GLT1D1: variants seen among roughly 807,000 people sequenced by gnomAD.
GLT1D1 encodes glycosyltransferase 1 domain containing 1, also known as glycosyltransferase 1 domain-containing protein 1.
GLT1D1 carries 21 observed loss-of-function variants against 28.7 expected under a neutral mutation model. That is an observed-to-expected ratio of 0.73 (90% confidence interval 0.52 to 1.05). The LOEUF (loss-of-function observed/expected upper bound fraction) is 1.05. Among genes scored for constraint, GLT1D1 ranks in the 50% least tolerant of loss-of-function variants. The probability of loss-of-function intolerance (pLI) is 0.00; values close to 1 mark genes in which losing one functional copy is unlikely to be tolerated. For missense variants in GLT1D1, 343 were observed against 330.6 expected, an observed-to-expected ratio of 1.04 and a Z score of -0.29; for synonymous variants, 147 against 124.8, an observed-to-expected ratio of 1.18 and a Z score of -1.19.
At chr12:128,872,929 G>T (rs1956735794) in intron 1 of GLT1D1, among the ~76,000 whole-genome samples, 1 of 151,930 alleles carries the variant, frequency 6.6e-6, no homozygotes, top group South Asian at 2.1e-4. Context: ...GTCTCGCTCT[G>T]TTGAGACCCA....
intron 2 of GLT1D1, among the ~76,000 whole-genome samples, chr12:128,878,433 T>A (rs1956925068): frequency 6.6e-6 from 1 of 152,228 alleles, no homozygotes; most frequent in African/African-American, 2.4e-5. Context: ...AGAATGCTTG[T>A]CTCTGTACAG....
intron 2 of GLT1D1, among the ~76,000 whole-genome samples, chr12:128,879,750 T>G (rs1286026291): frequency 6.6e-6 from 1 of 152,118 alleles, no homozygotes; most frequent in Non-Finnish European, 1.5e-5. Context: ...AGCCACCAAG[T>G]GCAGCCGGCC....
chr12:128,955,176 A>T (rs1209379163), intron 6 of GLT1D1, among the ~76,000 whole-genome samples: 1 of 152,164 alleles, frequency 6.6e-6, no homozygotes, highest in African/African-American at 2.4e-5. Context: ...AAATGTGATT[A>T]TCTGTTTACT....
intron 4 of GLT1D1, among the ~76,000 whole-genome samples, chr12:128,921,823 C>A (rs936118086): frequency 4.6e-5 from 7 of 152,052 alleles, no homozygotes; most frequent in Non-Finnish European, 2.9e-5. Context: ...TAAACAGAGT[C>A]TCTTCATCTT....
intron 1 of GLT1D1, among the ~76,000 whole-genome samples, chr12:128,864,714 T>A (rs1361932570): frequency 6.6e-6 from 1 of 151,940 alleles, no homozygotes; most frequent in African/African-American, 2.4e-5. Context: ...GCTGCCTGAA[T>A]GTGAGTGGGA....
At position 128,983,096 on chromosome 12, in the gene GLT1D1, C is replaced by A. The variant is rs1360164558; in HGVS notation, c.*6C>A. On this transcript the variant is annotated 3_prime_UTR_variant, in exon 8 of 8. Coordinates refer to ENST00000281703, the MANE Select transcript of GLT1D1 (RefSeq NM_144669.3). The surrounding 1 kb of genome is among the most constrained non-coding windows in gnomAD (Gnocchi z 4.7). The stretch of plus-strand genomic sequence containing the variant: ...AAGGAAGCACTGAAGATTGAGGGCC[C>A]CGCCTCATCAGACACCTGCTCTCTG... 1.9e-6 allele frequency: 3 copies of A among 1,612,942 alleles called. No individual in the cohort carries two copies. Among genetic ancestry groups the A allele is most frequent in the Non-Finnish European group, 2.5e-6 (3 of 1,179,550 alleles).
intron 7 of GLT1D1, among the ~76,000 whole-genome samples, chr12:128,973,408 G>A (rs1413261759): frequency 3.4e-5 from 5 of 148,480 alleles, no homozygotes; most frequent in African/African-American, 1.2e-4. Context: ...GGCCAGGCTG[G>A]TCTTGAACTC....
chr12:128,907,453 C>T (rs1032030601), intron 4 of GLT1D1, among the ~76,000 whole-genome samples: 1 of 151,988 alleles, frequency 6.6e-6, no homozygotes, highest in African/African-American at 2.4e-5. Context: ...CTACAGGTGC[C>T]CGCCACCACA....
chr12:128,942,735 G>GTTTTTTTTTTTTTTTTTTTTTTTTTTT lies in GLT1D1; in HGVS notation c.376-2588_376-2587insTTTTTTTTTTTTTTTTTTTTTTTTTTT, dbSNP rs1397894974. On this transcript the variant is annotated intron_variant, in intron 4 of 7. Transcript: ENST00000281703. ...ATCACTTTAGATTCCAATTTTCTTTGTTTGTTTGTTTTTGTTTTTTGTTTT... is the reference window on the plus strand; with the variant it reads ...ATCACTTTAGATTCCAATTTTCTTTGTTTTTTTTTTTTTTTTTTTTTTTTTTTTTTGTTTGTTTTTGTTTTTTGTTTT... 1.8e-4 allele frequency among the ~76,000 whole-genome samples: 16 copies of GTTTTTTTTTTTTTTTTTTTTTTTTTTT among 89,546 alleles called. 7 individuals carry two copies. The highest frequency in any genetic ancestry group is 6.9e-4 in the African/African-American group (16 of 23,150). 58.7% of individuals were successfully genotyped at this position (89,546 alleles called of 152,430 possible). A position where few individuals can be genotyped will look rare whatever the true frequency, so the allele number is the denominator to read the frequency against.
At chr12:128,864,147 GCTGACTGCGAGGTGCC>G (rs1367422238) in intron 1 of GLT1D1, 2 of 686,400 alleles carry the variant, frequency 2.9e-6, no homozygotes, top group Non-Finnish European at 5.3e-6. Context: ...GTCTTAACAT[GCTGACTGCGAGGTGCC>G]TGTCAGACGA....
chr12:128,929,513 G>T (rs1369713889), intron 4 of GLT1D1, among the ~76,000 whole-genome samples: 1 of 152,148 alleles, frequency 6.6e-6, no homozygotes, highest in African/African-American at 2.4e-5. Flanking sequence ...CAACTGCCAG[G>T]CACCTTGTCT....
chr12:128,977,786 T>C lies in GLT1D1; in HGVS notation c.640-5143T>C, dbSNP rs1268654162. Among the ~76,000 whole-genome samples the C allele has an allele frequency of 1.3e-3, 129 of 97,732 alleles. 2 individuals carry two copies. The highest frequency in any genetic ancestry group is 4.4e-3 in the African/African-American group (125 of 28,166). The allele number at this position is 97,732 out of a possible 152,430, so 64.1% of individuals were successfully genotyped here. The stretch of plus-strand genomic sequence containing the variant: ...TTTTCTTTTTTCTTTTTTCTTTTTT[T>C]TTTTTTTTTGAAACAGAGTTTCACT... On this transcript the variant is annotated intron_variant, in intron 7 of 7. Transcript: ENST00000281703.
rs144667276 is a variant in GLT1D1, at chr12:128,961,218, A to G, written c.639+3575A>G. On this transcript the variant is annotated intron_variant, in intron 7 of 7. Coordinates refer to ENST00000281703, the MANE Select transcript of GLT1D1 (RefSeq NM_144669.3). ...ATTATAGCAATTGGCTGACATGATT[A>G]TGGAAGCCAGGAAGTTCCATCATCT... 1.4e-3 allele frequency among the ~76,000 whole-genome samples: 218 copies of G among 152,352 alleles called. 1 individual carries two copies. Among genetic ancestry groups the G allele is most frequent in the African/African-American group, 4.9e-3 (204 of 41,584 alleles).
chr12:128,954,915 C>T (rs60259472), intron 6 of GLT1D1, among the ~76,000 whole-genome samples: 6,245 of 152,288 alleles, frequency 0.041, 413 homozygotes, highest in African/African-American at 0.14. Flanking sequence ...GATTGAGCCA[C>T]GGCATTCCAG....
In GLT1D1 at chr12:128,958,067, G is replaced by A. The variant is rs578162607; in HGVS notation, c.639+424G>A. ...GGTTCTTGTGTAAATACAGAAACAC[G>A]TGTGAATGTCGGGAAATAGAAGAAA... On this transcript the variant is annotated intron_variant, in intron 7 of 7. Coordinates refer to ENST00000281703, the MANE Select transcript of GLT1D1 (RefSeq NM_144669.3). Among the ~76,000 whole-genome samples the A allele has an allele frequency of 7.5e-4, 114 of 152,336 alleles. 3 individuals carry two copies. The South Asian group carries it at 0.023, about 31-fold the overall frequency.
At chr12:128,882,346 T>C (rs77481816) in intron 2 of GLT1D1, among the ~76,000 whole-genome samples, 2,366 of 151,376 alleles carry the variant, frequency 0.016, 148 homozygotes, top group Admixed American at 0.1. Context: ...GGTGAGATCT[T>C]GGCTCACTGA....
chr12:128,944,290 T>C (rs1593169136), intron 4 of GLT1D1: 1 of 652,302 alleles, frequency 1.5e-6, no homozygotes, highest in Non-Finnish European at 2.9e-6. Context: ...TGAAGCTTCC[T>C]GGCTTGTTTG....
rs2686677 is a variant in GLT1D1, at chr12:128,965,732, A to G, written c.639+8089A>G. Reference sequence around the variant, plus strand: ...GCTTAAAAAAAAAAAAAAAAAAAAAAAAAGAAAAAGTAAAAAGCCAGATGT... The same window carrying G: ...GCTTAAAAAAAAAAAAAAAAAAAAAGAAAGAAAAAGTAAAAAGCCAGATGT... On this transcript the variant is annotated intron_variant, in intron 7 of 7. Transcript: ENST00000281703. Among the ~76,000 whole-genome samples the G allele has an allele frequency of 1.7e-3, 182 of 104,582 alleles. 4 individuals carry two copies. Among genetic ancestry groups the G allele is most frequent in the Middle Eastern group, 6.0e-3 (1 of 168 alleles). The allele number at this position is 104,582 out of a possible 152,430, so 68.6% of individuals were successfully genotyped here.
intron 7 of GLT1D1, among the ~76,000 whole-genome samples, chr12:128,958,069 G>A (rs1367625982): frequency 6.6e-6 from 1 of 152,256 alleles, no homozygotes; most frequent in African/African-American, 2.4e-5. Context: ...AGAAACACGT[G>A]TGAATGTCGG....
Sources: allele counts gnomAD v4.1 joint callset (sites outside exome capture counted in the v4.1 genomes callset), GRCh38; gene constraint gnomAD v4.1.1; non-coding constraint Gnocchi (gnomAD v3.1); transcripts MANE v1.5; gene names NCBI Gene and HGNC (gene_info 2026-07-23, HGNC 2026-07-21).